Variants in PDPN observed in about 807,000 individuals in gnomAD.
The protein encoded by PDPN is podoplanin, also known as PA2.26 antigen.
Under a neutral mutation model 23.2 loss-of-function variants are expected in PDPN, and 12 were observed. The observed-to-expected ratio is 0.52, with a 90% CI of 0.33 to 0.84. PDPN has a LOEUF of 0.84. PDPN is among the 40% of genes least tolerant of loss of function. The pLI is 0.02. For synonymous variants in PDPN, 77 were observed against 76.7 expected, an observed-to-expected ratio of 1.00 and a Z score of -0.02; for missense variants, 199 against 212.2, an observed-to-expected ratio of 0.94 and a Z score of 0.39.
intron 5 of PDPN, among the ~76,000 whole-genome samples, chr1:13,615,576 G>A (rs538532566): frequency 2.4e-4 from 37 of 152,058 alleles, no homozygotes; most frequent in African/African-American, 8.2e-4. Context: ...ATGAGCCACC[G>A]CACCCAGCCA....
intron 2 of PDPN, 86 bp downstream of exon 2, chr1:13,607,392 A>C: frequency 3.2e-6 from 3 of 945,970 alleles, no homozygotes; most frequent in Non-Finnish European, 4.4e-6. Context: ...ACTTTATATA[A>C]AAATATATCT....
chr1:13,612,061 T>A (rs1270143594), intron 3 of PDPN, among the ~76,000 whole-genome samples: 1 of 152,132 alleles, frequency 6.6e-6, no homozygotes, highest in African/African-American at 2.4e-5. Context: ...GGGAAGTAAC[T>A]CATGTTACTG....
intron 1 of PDPN, among the ~76,000 whole-genome samples, chr1:13,584,689 G>A (rs1470833956): frequency 3.3e-5 from 5 of 152,220 alleles, no homozygotes; most frequent in African/African-American, 1.2e-4. Context: ...GTGTGGAAAG[G>A]ATCCAAGTGG....
intron 1 of PDPN, among the ~76,000 whole-genome samples, chr1:13,594,864 G>A (rs568085430): frequency 8.6e-5 from 13 of 151,872 alleles, no homozygotes; most frequent in South Asian, 6.3e-4. Context: ...GTGTGGTGGC[G>A]GGCACCTGTA....
chr1:13,592,892 G>C (rs1640388285), intron 1 of PDPN, among the ~76,000 whole-genome samples: 1 of 152,118 alleles, frequency 6.6e-6, no homozygotes, highest in Admixed American at 6.5e-5. Context: ...TGGCACCTCT[G>C]TCAAAAATCA....
At position 13,614,319 on chromosome 1, in the gene PDPN, C is replaced by T. The variant is rs1275980985; in HGVS notation, c.390C>T (p.Thr130=). The T allele has an allele frequency of 1.3e-6, 2 of 1,596,660 alleles. No homozygotes were observed. The highest frequency in any genetic ancestry group is 1.7e-6 in the Non-Finnish European group (2 of 1,164,348). Residue 130 remains threonine (T), a synonymous_variant, in exon 5 of 6, where the codon ACC becomes ACT. Transcript: ENST00000621990. ...GTTCAGATGGTTTGTCAACAGTGAC[C>T]CTGGTTGGAATCATAGTTGGGGTCT... ...TVEKDGLSTV[T]LVGIIVGVLL...
Position 13,603,268 on chromosome 1 carries a change from AG to A in PDPN, c.68-3904del, listed in dbSNP as rs1296015658. Among the ~76,000 whole-genome samples, 5 of 152,106 alleles carry A rather than the reference AG, an allele frequency of 3.3e-5. No homozygotes were observed. The South Asian group carries it at 1.0e-3, about 32-fold the overall frequency. On this transcript the variant is annotated intron_variant, in intron 1 of 5. Coordinates refer to ENST00000621990, the MANE Select transcript of PDPN (RefSeq NM_006474.5). ...CGTGGTGGTGCACACCTGTAATCCC[AG>A]CTACTTGGGAGGCTGAGACAGGAGA...
chr1:13,610,596 AT>A (rs1640909541), intron 3 of PDPN, 80 bp downstream of exon 3: 1 of 1,388,574 alleles, frequency 7.2e-7, no homozygotes, highest in African/African-American at 1.4e-5. Context: ...AACAAATAGA[AT>A]AATCAATAGG....
At chr1:13,612,005 A>G (rs1640946916) in intron 3 of PDPN, among the ~76,000 whole-genome samples, 1 of 152,144 alleles carries the variant, frequency 6.6e-6, no homozygotes, top group African/African-American at 2.4e-5. Context: ...ATTCTGTCAT[A>G]CTTCATACTC....
chr1:13,585,334 T>G (rs989355362), intron 1 of PDPN: 12 of 380,560 alleles, frequency 3.2e-5, no homozygotes, highest in South Asian at 2.0e-4. Context: ...CTCTATGCTG[T>G]GCTGTCTGCT....
At chr1:13,614,433 A>C (rs770100076) in intron 5 of PDPN, 22 bp downstream of exon 5, 1 of 1,144,284 alleles carries the variant, frequency 8.7e-7, no homozygotes. Context: ...GCTTACACCC[A>C]TGTGATAGGC....
intron 1 of PDPN, among the ~76,000 whole-genome samples, chr1:13,592,785 G>C (rs1380687608): frequency 6.6e-6 from 1 of 152,000 alleles, no homozygotes; most frequent in East Asian, 1.9e-4. Flanking sequence ...CCCGACCTCA[G>C]GTGATTCGTC....
intron 1 of PDPN, among the ~76,000 whole-genome samples, chr1:13,605,343 C>G (rs543166571): frequency 6.6e-6 from 1 of 152,332 alleles, no homozygotes; most frequent in Non-Finnish European, 1.5e-5. Flanking sequence ...CTCCCTCCCC[C>G]TCGCTCCTGG....
chr1:13,586,763 TAAAAAAAA>T (rs34131450), intron 1 of PDPN, among the ~76,000 whole-genome samples: 5 of 125,478 alleles, frequency 4.0e-5, no homozygotes, highest in African/African-American at 1.5e-4. Context: ...ACTCTGCCAT[TAAAAAAAA>T]AAAAAAAAAA....
chr1:13,607,887 C>G (rs935239657), intron 2 of PDPN, among the ~76,000 whole-genome samples: 7 of 152,094 alleles, frequency 4.6e-5, no homozygotes, highest in Admixed American at 1.3e-4. Flanking sequence ...GGTGGATCAC[C>G]TGAGGTCAGG....
rs1156339301 is a variant in PDPN at position 13,603,529 on chromosome 1, AC to A, written c.68-3640del. Among the ~76,000 whole-genome samples the A allele has an allele frequency of 3.3e-5, 5 of 151,904 alleles. No individual in the cohort carries two copies. The East Asian group carries it at 9.6e-4, about 29-fold the overall frequency. ...GTTTATTTGTTCTCAAAAATTAAGA[AC>A]CCCAAGTGACAGTTGATTTATCAAA... On this transcript the variant is annotated intron_variant, in intron 1 of 5. Transcript: ENST00000621990.
rs1044060864 is a variant in PDPN at position 13,617,583 on chromosome 1, G to C, written c.*1672G>C. ...AGATGGGGTTTCACCGTATCGGCGA[G>C]GATGATCTCTATCTCTTGACCTCGT... On this transcript the variant is annotated 3_prime_UTR_variant, in exon 6 of 6. Transcript: ENST00000621990. The C allele has an allele frequency of 6.6e-6, 1 of 152,230 alleles. No individual in the cohort carries two copies. The highest frequency in any genetic ancestry group is 2.4e-5 in the African/African-American group (1 of 41,446). 9.4% of individuals were successfully genotyped at this position (152,230 alleles called of 1,614,324 possible).
intron 2 of PDPN, 77 bp downstream of exon 2, chr1:13,607,383 C>A: frequency 9.5e-7 from 1 of 1,057,520 alleles, no homozygotes. Flanking sequence ...TATTAATTTA[C>A]TTTATATAAA....
rs41269791 is a variant in PDPN at position 13,615,940 on chromosome 1, A to G, written c.*29A>G. The G allele has an allele frequency of 0.019, 29,898 of 1,609,790 alleles. 372 individuals carry two copies. The highest frequency in any genetic ancestry group is 0.023 in the Non-Finnish European group (26,935 of 1,176,090). Reference sequence around the variant, plus strand: ...GCTGAAGGGTTACGCCCTGCTGCCAACGTGCTTAAAAAAAGACCGTTTCTG... The same window carrying G: ...GCTGAAGGGTTACGCCCTGCTGCCAGCGTGCTTAAAAAAAGACCGTTTCTG... On this transcript the variant is annotated 3_prime_UTR_variant, in exon 6 of 6. Coordinates refer to ENST00000621990, the MANE Select transcript of PDPN (RefSeq NM_006474.5).
Sources: gnomAD v4.1 joint callset for allele counts (sites outside exome capture counted in the v4.1 genomes callset) on GRCh38, gnomAD v4.1.1 for gene constraint, MANE v1.5 for transcripts, NCBI Gene and HGNC (gene_info 2026-07-23, HGNC 2026-07-21) for gene names.